The following ATP2B2 variants were observed in gnomAD, a reference collection of about 807,000 sequenced individuals.
ATP2B2 encodes ATPase plasma membrane Ca2+ transporting 2.
ATP2B2 carries 15 observed loss-of-function variants against 120.0 expected under a neutral mutation model. That is an observed-to-expected ratio of 0.12 (90% CI 0.08 to 0.19). ATP2B2 has a LOEUF of 0.19. Ranked by LOEUF, ATP2B2 falls within the 10% of genes least tolerant of loss-of-function variation. The probability of loss-of-function intolerance (pLI) is 1.00; values close to 1 mark genes in which losing one functional copy is unlikely to be tolerated. For synonymous variants in ATP2B2, 694 were observed against 700.3 expected (o/e 0.99, Z 0.14); for missense variants, 1,045 against 1,719.8 (o/e 0.61, Z 6.94).
intron 2 of ATP2B2, among the ~76,000 whole-genome samples, chr3:10,418,673 A>G (rs1056017688): frequency 6.6e-6 from 1 of 152,208 alleles, no homozygotes; most frequent in African/African-American, 2.4e-5. Context: ...GGAATACACT[A>G]ACTGCCCTCT....
At chr3:10,604,326 G>A (rs114897456) in intron 2 of ATP2B2, among the ~76,000 whole-genome samples, 1,912 of 152,288 alleles carry the variant, frequency 0.013, 34 homozygotes, top group African/African-American at 0.043. Context: ...GCCTCCACAT[G>A]GCAGGTGGGC....
At chr3:10,586,798 A>G (rs906632386) in intron 2 of ATP2B2, among the ~76,000 whole-genome samples, 2 of 152,148 alleles carry the variant, frequency 1.3e-5, no homozygotes, top group African/African-American at 4.8e-5. Context: ...CCTTCCAGAG[A>G]AGGTGGTGCA....
chr3:10,573,492 G>A (rs1298516167), intron 2 of ATP2B2, among the ~76,000 whole-genome samples: 1 of 152,164 alleles, frequency 6.6e-6, no homozygotes, highest in Non-Finnish European at 1.5e-5. Flanking sequence ...ATCACTACCT[G>A]TTCCTGAAAC....
At chr3:10,554,619 G>A (rs1221565448) in intron 2 of ATP2B2, among the ~76,000 whole-genome samples, 4 of 152,194 alleles carry the variant, frequency 2.6e-5, no homozygotes, top group African/African-American at 4.8e-5. Context: ...ATTTCAGCCC[G>A]GTAGAGCTGT....
chr3:10,338,160 C>A lies in ATP2B2; in HGVS notation c.3420+16G>T, dbSNP rs1465023407. The stretch of plus-strand genomic sequence containing the variant: ...CCCGGCCAGGCCTGGGCCCAGCCCC[C>A]AAGAGCCTCCTGTACCTGTGTCTGG... On this transcript the variant is annotated intron_variant, in intron 22 of 22. Coordinates refer to ENST00000360273, the MANE Select transcript of ATP2B2 (RefSeq NM_001001331.4). 6.2e-7 allele frequency: 1 copy of A among 1,613,758 alleles called. No individual in the cohort carries two copies. The highest frequency in any genetic ancestry group is 1.3e-5 in the African/African-American group (1 of 75,050).
chr3:10,533,241 T>C lies in ATP2B2; in HGVS notation c.-320+798A>G, dbSNP rs1017434133. The stretch of plus-strand genomic sequence containing the variant: ...CCACAGAAATCTCACAGAGCTGCTG[T>C]ATATGCTGGCTCTGGAAGGTTGAGT... On this transcript the variant is annotated intron_variant, in intron 3 of 21. Coordinates refer to the ATP2B2 transcript ENST00000646379. 3.3e-5 allele frequency among the ~76,000 whole-genome samples: 5 copies of C among 152,208 alleles called. No homozygotes were observed. The South Asian group carries it at 6.2e-4, about 19-fold the overall frequency.
At chr3:10,344,313 C>T (rs1457722283) in intron 18 of ATP2B2, among the ~76,000 whole-genome samples, 1 of 152,154 alleles carries the variant, frequency 6.6e-6, no homozygotes, top group Non-Finnish European at 1.5e-5. Flanking sequence ...AGGAGTGTTC[C>T]TCAAGCTGCC....
At chr3:10,464,266 G>T (rs1291116548) in intron 1 of ATP2B2, among the ~76,000 whole-genome samples, 1 of 152,204 alleles carries the variant, frequency 6.6e-6, no homozygotes, top group Non-Finnish European at 1.5e-5. Context: ...GGGTGCGGGT[G>T]GGGGTGGGGG....
intron 1 of ATP2B2, among the ~76,000 whole-genome samples, chr3:10,503,616 G>A (rs935292071): frequency 2.0e-5 from 3 of 152,246 alleles, no homozygotes; most frequent in East Asian, 3.9e-4. Flanking sequence ...CGCAGCATCC[G>A]CAGAGGTGCT....
chr3:10,662,020 A>G (rs2070795033), intron 1 of ATP2B2, among the ~76,000 whole-genome samples: 1 of 152,230 alleles, frequency 6.6e-6, no homozygotes, highest in Admixed American at 6.5e-5. Context: ...TATTTAATAA[A>G]TGGTGCCGGG....
intron 2 of ATP2B2, among the ~76,000 whole-genome samples, chr3:10,439,315 T>C (rs901743601): frequency 6.6e-6 from 1 of 152,060 alleles, no homozygotes; most frequent in African/African-American, 2.4e-5. Flanking sequence ...GGCTGAGGCA[T>C]GGAACAGGGT....
rs1420192359 is a variant in ATP2B2 at position 10,331,931 on chromosome 3, A to C, written c.3421-2806T>G. Reference sequence around the variant, plus strand: ...TTTACCCGGCTTCAAGGAAGCCAAGAGTCTGGGATTGATTCACATTCATTT... The same window carrying C: ...TTTACCCGGCTTCAAGGAAGCCAAGCGTCTGGGATTGATTCACATTCATTT... On this transcript the variant is annotated intron_variant, in intron 22 of 22. Transcript: ENST00000360273. 8 of 1,503,968 alleles carry C rather than the reference A, an allele frequency of 5.3e-6. No homozygotes were observed. In the East Asian group the frequency reaches 2.0e-4, roughly 37 times the overall value. 93.2% of individuals were successfully genotyped at this position (1,503,968 alleles called of 1,614,324 possible). A position where few individuals can be genotyped will look rare whatever the true frequency, so the allele number is the denominator to read the frequency against.
intron 2 of ATP2B2, among the ~76,000 whole-genome samples, chr3:10,575,942 C>T (rs977132281): frequency 6.6e-6 from 1 of 152,226 alleles, no homozygotes; most frequent in African/African-American, 2.4e-5. Flanking sequence ...AGATAGGAAA[C>T]CTTAAAATTG....
intron 1 of ATP2B2, among the ~76,000 whole-genome samples, chr3:10,700,148 TC>T: frequency 6.6e-6 from 1 of 152,054 alleles, no homozygotes; most frequent in African/African-American, 2.4e-5. Flanking sequence ...ATGACCTGGA[TC>T]CCCCTCCATG....
intron 2 of ATP2B2, among the ~76,000 whole-genome samples, chr3:10,585,763 AG>A (rs1350926728): frequency 1.3e-5 from 2 of 152,020 alleles, no homozygotes; most frequent in African/African-American, 4.8e-5. Context: ...CCTCTGCCAA[AG>A]GCTTTCCCTT....
chr3:10,420,495 G>A (rs1478903849), intron 2 of ATP2B2, among the ~76,000 whole-genome samples: 1 of 152,134 alleles, frequency 6.6e-6, no homozygotes, highest in Admixed American at 6.5e-5. Context: ...CCGAGTAGCT[G>A]GGGTTACAGG....
intron 2 of ATP2B2, among the ~76,000 whole-genome samples, chr3:10,582,008 C>A (rs1355152910): frequency 1.1e-4 from 17 of 152,232 alleles, no homozygotes; most frequent in Admixed American, 1.1e-3. Context: ...GCTGGGCGCA[C>A]AATGTGGTTA....
chr3:10,628,606 C>A (rs994709867), intron 1 of ATP2B2, among the ~76,000 whole-genome samples: 8 of 152,220 alleles, frequency 5.3e-5, no homozygotes, highest in African/African-American at 1.7e-4. Context: ...AATTCCGACC[C>A]ATGGACTTCA....
At chr3:10,455,146 A>G (rs906790721) in intron 1 of ATP2B2, among the ~76,000 whole-genome samples, 10 of 152,186 alleles carry the variant, frequency 6.6e-5, no homozygotes, top group Admixed American at 5.9e-4. Flanking sequence ...CAGTTTGCTC[A>G]TCTGTAAGAT....
Sources: allele counts gnomAD v4.1 joint callset (sites outside exome capture counted in the v4.1 genomes callset), GRCh38; gene constraint gnomAD v4.1.1; transcripts MANE v1.5; gene names NCBI Gene and HGNC (gene_info 2026-07-23, HGNC 2026-07-21).